The following AGPAT3 variants were observed in gnomAD, a reference collection of about 807,000 sequenced individuals.
AGPAT3 encodes 1-acylglycerol-3-phosphate O-acyltransferase 3.
In AGPAT3, 5 loss-of-function variants were observed where a neutral mutation model predicts 47.3. That is an observed-to-expected ratio of 0.11 (90% confidence interval 0.06 to 0.22). The LOEUF (loss-of-function observed/expected upper bound fraction) is 0.22, where lower values mean the gene tolerates loss of function less well. Among genes scored for constraint, AGPAT3 ranks in the 10% least tolerant of loss-of-function variants. AGPAT3 has a pLI of 1.00. For missense variants in AGPAT3, 315 were observed against 493.0 expected, an observed-to-expected ratio of 0.64 and a Z score of 3.42; for synonymous variants, 212 against 208.3, an observed-to-expected ratio of 1.02 and a Z score of -0.15.
chr21:43,923,756 G>A (rs1055883166), intron 2 of AGPAT3, among the ~76,000 whole-genome samples: 3 of 152,206 alleles, frequency 2.0e-5, no homozygotes, highest in Non-Finnish European at 4.4e-5. Flanking sequence ...TGAGGCCTGG[G>A]GGATCCTGGG....
intron 4 of AGPAT3, among the ~76,000 whole-genome samples, chr21:43,968,506 G>A (rs965906964): frequency 2.6e-5 from 4 of 151,704 alleles, no homozygotes; most frequent in Non-Finnish European, 5.9e-5. Context: ...AGAGCCTTGG[G>A]TTTCCCAGGG....
intron 2 of AGPAT3, among the ~76,000 whole-genome samples, chr21:43,942,630 C>T (rs2087699532): frequency 6.6e-6 from 1 of 152,198 alleles, no homozygotes; most frequent in Non-Finnish European, 1.5e-5. Flanking sequence ...TCTTCAGAGA[C>T]CTGTTCTTAA....
chr21:43,969,095 G>A, intron 4 of AGPAT3, 23 bp from the exon 5 acceptor site: 1 of 1,613,028 alleles, frequency 6.2e-7, no homozygotes, highest in Admixed American at 1.7e-5. Context: ...AGTGCCAGGT[G>A]CCCCTCCTTC....
chr21:43,916,536 T>C (rs1325369533), intron 2 of AGPAT3: 1 of 148,730 alleles, frequency 6.7e-6, no homozygotes, highest in Non-Finnish European at 1.5e-5. Flanking sequence ...TATCAAGATA[T>C]TGAACCCTTT....
intron 1 of AGPAT3, among the ~76,000 whole-genome samples, chr21:43,875,495 T>C (rs1054338272): frequency 1.3e-5 from 2 of 152,214 alleles, no homozygotes; most frequent in Admixed American, 6.5e-5. Flanking sequence ...CCACTTAAAC[T>C]CTCGTTCATG....
chr21:43,970,759 C>T lies in AGPAT3; in HGVS notation c.617C>T (p.Pro206Leu). 3 of 1,608,434 alleles carry T rather than the reference C, an allele frequency of 1.9e-6. No individual in the cohort carries two copies. The highest frequency in any genetic ancestry group is 1.3e-5 in the African/African-American group (1 of 74,908). Residue 206 changes from proline to leucine, a missense_variant, in exon 6 of 10, where the codon CCG becomes CTG. Transcript: ENST00000291572. The surrounding 1 kb of genome is among the most constrained non-coding windows in gnomAD (Gnocchi z 5.8). ...GLPVLKYHLL[P>L]RTKGFTTAVK... ...CCTGTCCTCAAGTACCACCTGCTGC[C>T]GCGGACCAAGGGCTTCACCACCGCA...
chr21:43,921,616 G>A (rs2086893166), intron 2 of AGPAT3, among the ~76,000 whole-genome samples: 1 of 152,204 alleles, frequency 6.6e-6, no homozygotes, highest in Admixed American at 6.5e-5. Context: ...GGAAAGAAGA[G>A]TTTGTTTCCT....
intron 1 of AGPAT3, among the ~76,000 whole-genome samples, chr21:43,893,340 G>C (rs1018477603): frequency 6.6e-6 from 1 of 152,236 alleles, no homozygotes; most frequent in Non-Finnish European, 1.5e-5. Flanking sequence ...TAAGGGCCTT[G>C]CTAGGCACTA....
intron 8 of AGPAT3, among the ~76,000 whole-genome samples, chr21:43,980,268 T>C (rs1601487070): frequency 8.3e-6 from 1 of 120,402 alleles, no homozygotes; most frequent in Non-Finnish European, 1.6e-5. Context: ...AGAGTGAGAC[T>C]CCATCTCAAA....
chr21:43,960,425 C>T (rs570899707), intron 3 of AGPAT3, among the ~76,000 whole-genome samples: 6 of 152,270 alleles, frequency 3.9e-5, no homozygotes, highest in South Asian at 2.1e-4. Flanking sequence ...GACAGGTAAC[C>T]GCTCACACCG....
chr21:43,926,538 C>T (rs1173030696), intron 2 of AGPAT3, among the ~76,000 whole-genome samples: 1 of 151,984 alleles, frequency 6.6e-6, no homozygotes, highest in Non-Finnish European at 1.5e-5. Context: ...AGAGGAGCCC[C>T]CAGCCCCCAC....
chr21:43,949,995 C>T (rs1191615531), intron 2 of AGPAT3, among the ~76,000 whole-genome samples: 1 of 150,478 alleles, frequency 6.6e-6, no homozygotes, highest in Admixed American at 6.6e-5. Flanking sequence ...CTTCCAGTTT[C>T]CCCCTCTCCC....
At chr21:43,917,778 G>GTTGTGGGTA (rs773391749) in intron 2 of AGPAT3, among the ~76,000 whole-genome samples, 1 of 148,340 alleles carries the variant, frequency 6.7e-6, no homozygotes, top group African/African-American at 2.6e-5. Flanking sequence ...GTGTTGGGGT[G>GTTGTGGGTA]TTGTGGGTAT....
chr21:43,935,749 G>A (rs1470869894), intron 2 of AGPAT3, among the ~76,000 whole-genome samples: 1 of 152,174 alleles, frequency 6.6e-6, no homozygotes, highest in Non-Finnish European at 1.5e-5. Flanking sequence ...CAGTGACCCA[G>A]GCGTGGGGCA....
rs958556375 is a variant in AGPAT3, at chr21:43,913,555, C to A, written c.-49+9536C>A. On this transcript the variant is annotated intron_variant, in intron 2 of 9. Transcript: ENST00000291572. ...GAGTTGAGATCACCCCACTGCACCC[C>A]AGCCTGGGTGACAGAGCGAGACCCT... 2.6e-5 allele frequency among the ~76,000 whole-genome samples: 4 copies of A among 152,328 alleles called. No individual in the cohort carries two copies. In the East Asian group the frequency reaches 5.8e-4, roughly 22 times the overall value.
Position 43,880,327 on chromosome 21 carries a change from A to G in AGPAT3, c.-112+14982A>G, listed in dbSNP as rs950083509. 6.6e-6 allele frequency among the ~76,000 whole-genome samples: 1 copy of G among 152,184 alleles called. No homozygotes were observed. Among genetic ancestry groups the G allele is most frequent in the African/African-American group, 2.4e-5 (1 of 41,432 alleles). On this transcript the variant is annotated intron_variant, in intron 1 of 9. Transcript: ENST00000291572. The surrounding 1 kb of genome is among the most constrained non-coding windows in gnomAD (Gnocchi z 4.5). Reference sequence around the variant, plus strand: ...CAGGGGCAGCCACTGTTCCTGTGGAACACACTGGAGAGGCATCTGCAGGGG... The same window carrying G: ...CAGGGGCAGCCACTGTTCCTGTGGAGCACACTGGAGAGGCATCTGCAGGGG...
intron 2 of AGPAT3, among the ~76,000 whole-genome samples, chr21:43,941,066 G>A (rs1302381947): frequency 1.3e-5 from 2 of 152,238 alleles, no homozygotes; most frequent in Admixed American, 6.5e-5. Flanking sequence ...TGTCCATGGG[G>A]TGTGTGATGA....
chr21:43,971,211 A>T (rs1365468863), intron 6 of AGPAT3, among the ~76,000 whole-genome samples, 177 bp from the exon 7 acceptor site: 1 of 152,200 alleles, frequency 6.6e-6, no homozygotes, highest in South Asian at 2.1e-4. Flanking sequence ...GGGAAAAAAG[A>T]GGGGGAAAGA....
intron 1 of AGPAT3, among the ~76,000 whole-genome samples, chr21:43,870,547 A>C: frequency 6.6e-6 from 1 of 150,566 alleles, no homozygotes; most frequent in Non-Finnish European, 1.5e-5. Flanking sequence ...CCCCATCTCT[A>C]CTTAAAAAAA....
Sources: gnomAD v4.1 joint callset for allele counts (sites outside exome capture counted in the v4.1 genomes callset) on GRCh38, gnomAD v4.1.1 for gene constraint, Gnocchi (gnomAD v3.1) non-coding constraint, MANE v1.5 for transcripts, NCBI Gene and HGNC (gene_info 2026-07-23, HGNC 2026-07-21) for gene names.